Variants in TRIQK observed in about 807,000 individuals in gnomAD.
TRIQK encodes the protein triple QxxK/R motif-containing protein.
In TRIQK, 10 loss-of-function variants were observed where a neutral mutation model predicts 10.8. The ratio of observed to expected loss-of-function variants is 0.92; its 90% CI spans 0.57 to 1.57. TRIQK has a LOEUF of 1.57. TRIQK is among the 40% of genes most tolerant of loss of function. The probability of loss-of-function intolerance (pLI) is 0.00; values close to 1 mark genes in which losing one functional copy is unlikely to be tolerated. For synonymous variants in TRIQK, 33 were observed against 33.7 expected, an observed-to-expected ratio of 0.98 and a Z score of 0.07; for missense variants, 107 against 97.7, an observed-to-expected ratio of 1.09 and a Z score of -0.40.
At chr8:92,920,382 A>T (rs142823484) in intron 2 of TRIQK, among the ~76,000 whole-genome samples, 1 of 151,864 alleles carries the variant, frequency 6.6e-6, no homozygotes, top group East Asian at 1.9e-4. Context: ...AGAACTAGTC[A>T]TGTCACAAGC....
chr8:92,962,972 T>C (rs947068529), intron 1 of TRIQK, among the ~76,000 whole-genome samples: 2 of 152,314 alleles, frequency 1.3e-5, no homozygotes, highest in African/African-American at 2.4e-5. Context: ...CGACTTGTTA[T>C]TGCAAGTTGA....
chr8:92,907,427 C>T (rs2130389555), intron 3 of TRIQK, among the ~76,000 whole-genome samples: 1 of 152,222 alleles, frequency 6.6e-6, no homozygotes, highest in Non-Finnish European at 1.5e-5. Flanking sequence ...TCTGTGTCCT[C>T]CTGTTAAATA....
intron 2 of TRIQK, among the ~76,000 whole-genome samples, chr8:92,935,385 C>G (rs931567610): frequency 6.6e-6 from 1 of 151,704 alleles, no homozygotes; most frequent in Non-Finnish European, 1.5e-5. Flanking sequence ...AAAGCGTGTT[C>G]ATTCTGTGAA....
In TRIQK at chr8:92,885,251, G is replaced by T. The variant is rs1816415820; in HGVS notation, c.*1371C>A. The T allele has an allele frequency of 1.3e-5, 4 of 319,332 alleles. No homozygotes were observed. The highest frequency in any genetic ancestry group is 1.1e-4 in the South Asian group (4 of 36,796). 19.8% of individuals were successfully genotyped at this position (319,332 alleles called of 1,614,324 possible). A position where few individuals can be genotyped will look rare whatever the true frequency, so the allele number is the denominator to read the frequency against. On this transcript the variant is annotated 3_prime_UTR_variant, in exon 5 of 5. Transcript: ENST00000521988. Reference sequence around the variant, plus strand: ...CAGTCACAGTCGACTTTTTGCAAAAGTACCAGAGAATATCTTTTAGAAACA... The same window carrying T: ...CAGTCACAGTCGACTTTTTGCAAAATTACCAGAGAATATCTTTTAGAAACA...
intron 1 of TRIQK, among the ~76,000 whole-genome samples, chr8:92,977,098 C>T (rs1218805527): frequency 6.6e-6 from 1 of 151,668 alleles, no homozygotes; most frequent in Non-Finnish European, 1.5e-5. Context: ...TGTGTGGATC[C>T]ATGTTGCCAT....
At chr8:92,919,151 A>G (rs974871085) in intron 2 of TRIQK, among the ~76,000 whole-genome samples, 2 of 151,890 alleles carry the variant, frequency 1.3e-5, no homozygotes, top group Admixed American at 1.3e-4. Flanking sequence ...GAAATCAGAT[A>G]GTGTGATTCT....
intron 1 of TRIQK, among the ~76,000 whole-genome samples, chr8:92,980,315 G>T (rs1157379625): frequency 6.6e-6 from 1 of 151,842 alleles, no homozygotes; most frequent in Non-Finnish European, 1.5e-5. Flanking sequence ...ACTCAAATTT[G>T]ACTTGTTAAT....
intron 1 of TRIQK, among the ~76,000 whole-genome samples, chr8:93,000,179 G>T (rs1477138151): frequency 1.3e-5 from 2 of 152,088 alleles, no homozygotes; most frequent in African/African-American, 4.8e-5. Context: ...ATTTTCAAAG[G>T]ATAACTTTCA....
chr8:92,990,973 C>G (rs1813090159), intron 1 of TRIQK, among the ~76,000 whole-genome samples: 1 of 152,208 alleles, frequency 6.6e-6, no homozygotes, highest in Admixed American at 6.5e-5. Context: ...ATCCCACCCT[C>G]ATGGAGCCCA....
chr8:92,917,058 T>C (rs933086397), intron 2 of TRIQK, 48 bp from the exon 3 acceptor site: 2 of 1,175,610 alleles, frequency 1.7e-6, no homozygotes, highest in Non-Finnish European at 1.1e-6. Context: ...AAGGAGTGTC[T>C]ATAAAATCCA....
At chr8:92,978,100 C>G (rs1214037520) in intron 1 of TRIQK, among the ~76,000 whole-genome samples, 1 of 152,064 alleles carries the variant, frequency 6.6e-6, no homozygotes, top group Non-Finnish European at 1.5e-5. Flanking sequence ...AAGAGGAATG[C>G]ATTGTATCTA....
At chr8:92,903,360 C>T (rs1302286271) in intron 3 of TRIQK, among the ~76,000 whole-genome samples, 1 of 151,788 alleles carries the variant, frequency 6.6e-6, no homozygotes, top group Non-Finnish European at 1.5e-5. Context: ...AATTCAAGCA[C>T]TTAAATGTCT....
intron 2 of TRIQK, among the ~76,000 whole-genome samples, chr8:92,923,745 T>C (rs995648080): frequency 2.6e-5 from 4 of 151,954 alleles, no homozygotes; most frequent in Non-Finnish European, 5.9e-5. Context: ...TTGTTTTTAG[T>C]ATGCTTTCTT....
At chr8:92,934,536 T>A (rs1199485422) in intron 2 of TRIQK, among the ~76,000 whole-genome samples, 1 of 151,966 alleles carries the variant, frequency 6.6e-6, no homozygotes, top group Non-Finnish European at 1.5e-5. Flanking sequence ...GCTTCCAATG[T>A]AATAGCTTCA....
At position 92,885,323 on chromosome 8, in the gene TRIQK, C is replaced by A. The variant is rs1013544179; in HGVS notation, c.*1299G>T. 5.1e-6 allele frequency: 1 copy of A among 194,252 alleles called. No homozygotes were observed. Among genetic ancestry groups the A allele is most frequent in the African/African-American group, 2.3e-5 (1 of 42,796 alleles). 12.0% of individuals were successfully genotyped at this position (194,252 alleles called of 1,614,324 possible). A position where few individuals can be genotyped will look rare whatever the true frequency, so the allele number is the denominator to read the frequency against. ...CTCCTTAGATATTTCCCAAGGATTTCTTCTCTTGGCTAGCAGGAAAACAAT... is the reference window on the plus strand; with the variant it reads ...CTCCTTAGATATTTCCCAAGGATTTATTCTCTTGGCTAGCAGGAAAACAAT... On this transcript the variant is annotated 3_prime_UTR_variant, in exon 5 of 5. Coordinates refer to ENST00000521988, the MANE Select transcript of TRIQK (RefSeq NM_001171797.2).
chr8:92,895,364 C>T (rs973191888), intron 3 of TRIQK, among the ~76,000 whole-genome samples: 1 of 151,850 alleles, frequency 6.6e-6, no homozygotes, highest in East Asian at 1.9e-4. Flanking sequence ...AGGGGTGCTG[C>T]TATAACAAAC....
At chr8:93,012,593 A>T (rs1190018316) in intron 1 of TRIQK, among the ~76,000 whole-genome samples, 2 of 152,204 alleles carry the variant, frequency 1.3e-5, no homozygotes, top group East Asian at 3.8e-4. Context: ...ATTTTAAAGC[A>T]AAATTTAGAT....
intron 3 of TRIQK, among the ~76,000 whole-genome samples, chr8:92,902,403 C>G (rs1316890396): frequency 6.6e-6 from 1 of 152,146 alleles, no homozygotes; most frequent in Non-Finnish European, 1.5e-5. Flanking sequence ...CTGCACTCTC[C>G]CTCATGCAAG....
At position 92,886,565 on chromosome 8, in the gene TRIQK, G is replaced by T; in HGVS notation, c.*57C>A. The T allele has an allele frequency of 9.5e-7, 1 of 1,047,396 alleles. No individual in the cohort carries two copies. Among genetic ancestry groups the T allele is most frequent in the Non-Finnish European group, 1.4e-6 (1 of 735,430 alleles). The allele number at this position is 1,047,396 out of a possible 1,614,324, so 64.9% of individuals were successfully genotyped here. A position where few individuals can be genotyped will look rare whatever the true frequency, so the allele number is the denominator to read the frequency against. The stretch of plus-strand genomic sequence containing the variant: ...TACAGTTTCAGTATTGAAAGTTTTG[G>T]TCCCAAAAGGTGCTTTCGTAAAGTT... On this transcript the variant is annotated 3_prime_UTR_variant, in exon 5 of 5. Transcript: ENST00000521988.
Sources: gnomAD v4.1 joint callset for allele counts (sites outside exome capture counted in the v4.1 genomes callset) on GRCh38, gnomAD v4.1.1 for gene constraint, MANE v1.5 for transcripts, NCBI Gene and HGNC (gene_info 2026-07-23, HGNC 2026-07-21) for gene names.